The following RBFOX3 variants were observed in gnomAD, a reference collection of about 807,000 sequenced individuals.
RBFOX3 encodes the protein RNA binding fox-1 homolog 3, also known as RNA binding protein fox-1 homolog 3.
Under a neutral mutation model 48.7 loss-of-function variants are expected in RBFOX3, and 17 were observed. The ratio of observed to expected loss-of-function variants is 0.35; its 90% CI spans 0.24 to 0.52. RBFOX3 has a LOEUF of 0.52. Ranked by LOEUF, RBFOX3 falls within the 20% of genes least tolerant of loss-of-function variation. The pLI is 0.94. For synonymous variants in RBFOX3, 212 were observed against 209.5 expected, an observed-to-expected ratio of 1.01 and a Z score of -0.10; for missense variants, 382 against 497.5, an observed-to-expected ratio of 0.77 and a Z score of 2.21.
chr17:79,238,132 T>C (rs1486178284), intron 3 of RBFOX3, among the ~76,000 whole-genome samples: 6 of 152,238 alleles, frequency 3.9e-5, no homozygotes, highest in African/African-American at 1.2e-4. Context: ...AGATGGGGTT[T>C]CACCATGTTG....
chr17:79,576,048 T>C (rs2092847017), intron 1 of RBFOX3, among the ~76,000 whole-genome samples: 1 of 152,196 alleles, frequency 6.6e-6, no homozygotes, highest in African/African-American at 2.4e-5. Flanking sequence ...ATTTGGTCGT[T>C]GTGGTGAACA....
rs1341349077 is a variant in RBFOX3, at chr17:79,481,968, A to C, written c.-175+486T>G. ...CGCTGACTCCGGCGGTTAGTGTCAG[A>C]GCTGAACGGCAGTCACCCTCTCGGG... On this transcript the variant is annotated intron_variant, in intron 2 of 14. Transcript: ENST00000693108. The surrounding 1 kb of genome is among the most constrained non-coding windows in gnomAD (Gnocchi z 5.4). Among the ~76,000 whole-genome samples, 1 of 152,098 alleles carries C rather than the reference A, an allele frequency of 6.6e-6. No individual in the cohort carries two copies. The highest frequency in any genetic ancestry group is 1.5e-5 in the Non-Finnish European group (1 of 68,014).
Position 79,097,749 on chromosome 17 carries a change from A to G in RBFOX3, c.569-4T>C, listed in dbSNP as rs2075652785. ...ACCACTGGATTTAGCTTCCAGCCTA[A>G]AACAAAGGCACAGAGACCTAGTCAC... On this transcript the variant is annotated splice_region_variant and splice_polypyrimidine_tract_variant and intron_variant, in intron 9 of 14. Transcript: ENST00000693108. The G allele has an allele frequency of 6.4e-7, 1 of 1,551,160 alleles. No homozygotes were observed. Among genetic ancestry groups the G allele is most frequent in the Non-Finnish European group, 8.7e-7 (1 of 1,146,836 alleles).
At chr17:79,314,245 A>G (rs983150663) in intron 2 of RBFOX3, among the ~76,000 whole-genome samples, 3 of 152,198 alleles carry the variant, frequency 2.0e-5, no homozygotes, top group Non-Finnish European at 4.4e-5. Context: ...TGGGGTAACC[A>G]TGGCTCCCTG....
At chr17:79,489,443 C>T (rs377365275) in intron 1 of RBFOX3, among the ~76,000 whole-genome samples, 23 of 152,182 alleles carry the variant, frequency 1.5e-4, no homozygotes, top group East Asian at 5.8e-4. Context: ...TACAGGTGTG[C>T]GCCACCATGC....
At position 79,443,783 on chromosome 17, in the gene RBFOX3, C is replaced by T. The variant is rs528935496; in HGVS notation, c.-175+38671G>A. Among the ~76,000 whole-genome samples, 5 of 152,332 alleles carry T rather than the reference C, an allele frequency of 3.3e-5. No homozygotes were observed. The South Asian group carries it at 1.0e-3, about 32-fold the overall frequency. On this transcript the variant is annotated intron_variant, in intron 2 of 14. Transcript: ENST00000693108. This position sits in a 1 kb window ranked among gnomAD's most constrained non-coding sequence, Gnocchi z 4.4. ...TCTAATGACCACACTGTCCCACTGC[C>T]TCCCTCGGCCCCCGACCCTTTATTT...
chr17:79,163,458 C>G (rs917464915), intron 4 of RBFOX3, among the ~76,000 whole-genome samples: 7 of 152,366 alleles, frequency 4.6e-5, no homozygotes, highest in African/African-American at 1.7e-4. Flanking sequence ...GAATGTCCTT[C>G]TGACGCTGCC....
At chr17:79,191,439 T>C (rs1223673765) in intron 4 of RBFOX3, among the ~76,000 whole-genome samples, 1 of 152,224 alleles carries the variant, frequency 6.6e-6, no homozygotes, top group Non-Finnish European at 1.5e-5. Context: ...GCGGGCACTC[T>C]GTTCGTCCCC....
At chr17:79,150,425 C>T (rs2044163982) in intron 4 of RBFOX3, among the ~76,000 whole-genome samples, 1 of 152,142 alleles carries the variant, frequency 6.6e-6, no homozygotes, top group South Asian at 2.1e-4. Context: ...ATCCGCAACC[C>T]CCATACCCTG....
chr17:79,462,111 C>T (rs527627424), intron 2 of RBFOX3, among the ~76,000 whole-genome samples: 1 of 152,312 alleles, frequency 6.6e-6, no homozygotes, highest in Non-Finnish European at 1.5e-5. Flanking sequence ...TCAGTGTCTG[C>T]CTCTCTCTCT....
chr17:79,647,628 G>A, the RBFOX3 span, among the ~76,000 whole-genome samples: 63 of 152,150 alleles, frequency 4.1e-4, no homozygotes, highest in African/African-American at 1.2e-3. Context: ...CCACATCTGT[G>A]GGAGCACCAG....
chr17:79,319,943 CTTGTCCAGG>C (rs1197756503), intron 2 of RBFOX3, among the ~76,000 whole-genome samples: 360 of 142,676 alleles, frequency 2.5e-3, no homozygotes, highest in East Asian at 5.4e-3. Flanking sequence ...GGCTGTTGGT[CTTGTCCAGG>C]CTGCTGGTCT....
At chr17:79,248,124 C>T (rs1265875184) in intron 3 of RBFOX3, among the ~76,000 whole-genome samples, 1 of 152,210 alleles carries the variant, frequency 6.6e-6, no homozygotes. Context: ...GCGGGGCTCT[C>T]CTCTACCTCC....
At chr17:79,550,596 G>A (rs1024527589) in intron 1 of RBFOX3, among the ~76,000 whole-genome samples, 7 of 152,326 alleles carry the variant, frequency 4.6e-5, no homozygotes, top group Middle Eastern at 3.4e-3. Flanking sequence ...CTAAGTGGAT[G>A]AATAGATGGA....
chr17:79,344,890 C>T (rs1024135423), intron 2 of RBFOX3, among the ~76,000 whole-genome samples: 1 of 152,164 alleles, frequency 6.6e-6, no homozygotes, highest in African/African-American at 2.4e-5. Flanking sequence ...CAATCTGCCT[C>T]TGTCCACACC....
At chr17:79,384,543 C>T (rs2148009749) in intron 2 of RBFOX3, among the ~76,000 whole-genome samples, 1 of 152,346 alleles carries the variant, frequency 6.6e-6, no homozygotes, top group South Asian at 2.1e-4. Flanking sequence ...AAGCCAGCTT[C>T]CAAACCCATG....
intron 1 of RBFOX3, among the ~76,000 whole-genome samples, chr17:79,608,803 C>G (rs1488056378): frequency 6.6e-6 from 1 of 152,158 alleles, no homozygotes; most frequent in Non-Finnish European, 1.5e-5. Context: ...CGCAGGAAGG[C>G]CTCCAGTCCT....
In RBFOX3 at chr17:79,279,459, G is replaced by A. The variant is rs567622689; in HGVS notation, c.-74+28265C>T. 1.2e-4 allele frequency among the ~76,000 whole-genome samples: 19 copies of A among 152,274 alleles called. No individual in the cohort carries two copies. The East Asian group carries it at 3.3e-3, about 26-fold the overall frequency. On this transcript the variant is annotated intron_variant, in intron 3 of 14. Transcript: ENST00000693108. ...AGGGAGCATCCCCCACCACCCTCAC[G>A]GCACAGCATGGCCCGGCCCGGCACG...
At chr17:79,568,478 C>T (rs1169664797) in intron 1 of RBFOX3, among the ~76,000 whole-genome samples, 2 of 151,978 alleles carry the variant, frequency 1.3e-5, no homozygotes, top group Non-Finnish European at 2.9e-5. Context: ...AAAAAAAATC[C>T]AAAATCTGAA....
Sources: gnomAD v4.1 joint callset for allele counts (sites outside exome capture counted in the v4.1 genomes callset) on GRCh38, gnomAD v4.1.1 for gene constraint, Gnocchi (gnomAD v3.1) non-coding constraint, MANE v1.5 for transcripts, NCBI Gene and HGNC (gene_info 2026-07-23, HGNC 2026-07-21) for gene names.